Variants in LRP1B observed in about 807,000 individuals in gnomAD.
LRP1B encodes the protein low-density lipoprotein receptor-related protein 1B.
LRP1B carries 217 observed loss-of-function variants against 556.6 expected under a neutral mutation model. The observed-to-expected ratio is 0.39, with a 90% confidence interval of 0.35 to 0.44. The LOEUF (loss-of-function observed/expected upper bound fraction) is 0.44. Among genes scored for constraint, LRP1B ranks in the 20% least tolerant of loss-of-function variants. LRP1B has a pLI of 1.00. For missense variants in LRP1B, 5,053 were observed against 5,620.8 expected, an observed-to-expected ratio of 0.90 and a Z score of 3.23; for synonymous variants, 2,047 against 1,865.8, an observed-to-expected ratio of 1.10 and a Z score of -2.50.
At chr2:141,200,023 T>C (rs1292995986) in intron 6 of LRP1B, among the ~76,000 whole-genome samples, 1 of 152,150 alleles carries the variant, frequency 6.6e-6, no homozygotes, top group Non-Finnish European at 1.5e-5. Context: ...TGGCAATTCC[T>C]CAAAGAGCTA....
chr2:141,352,356 G>A (rs1179002137), intron 3 of LRP1B, among the ~76,000 whole-genome samples: 1 of 151,710 alleles, frequency 6.6e-6, no homozygotes, highest in Non-Finnish European at 1.5e-5. Flanking sequence ...TAAAATCATG[G>A]GGTTATGCTA....
chr2:141,068,236 A>G (rs1423856157), intron 7 of LRP1B, among the ~76,000 whole-genome samples: 1 of 152,014 alleles, frequency 6.6e-6, no homozygotes, highest in African/African-American at 2.4e-5. Context: ...CACCAAGGGA[A>G]TAGAGGACGC....
chr2:141,895,693 A>G (rs1379087749), intron 1 of LRP1B, among the ~76,000 whole-genome samples: 2 of 152,196 alleles, frequency 1.3e-5, no homozygotes, highest in African/African-American at 2.4e-5. Context: ...CTCTTTACAA[A>G]CAATGATTTA....
intron 60 of LRP1B, among the ~76,000 whole-genome samples, chr2:140,464,973 C>T (rs886686099): frequency 6.6e-6 from 1 of 152,118 alleles, no homozygotes; most frequent in South Asian, 2.1e-4. Flanking sequence ...AATGTGTTGG[C>T]ATTAGACCAT....
intron 1 of LRP1B, among the ~76,000 whole-genome samples, chr2:142,042,576 A>G (rs530048380): frequency 4.0e-4 from 60 of 151,598 alleles, no homozygotes; most frequent in African/African-American, 1.4e-3. Context: ...TTTGTTATTC[A>G]CAGCAATAAA....
chr2:141,054,865 C>T (rs6745440), intron 10 of LRP1B, among the ~76,000 whole-genome samples: 38,853 of 151,786 alleles, frequency 0.26, 5,332 homozygotes, highest in East Asian at 0.44. Flanking sequence ...AAGCATCTTT[C>T]TAAAAATCTT....
chr2:141,225,667 C>T (rs1054775600), intron 6 of LRP1B, among the ~76,000 whole-genome samples: 19 of 152,028 alleles, frequency 1.2e-4, no homozygotes, highest in African/African-American at 4.1e-4. Context: ...TATCAGTTAT[C>T]GTTATAAAAA....
chr2:141,709,454 T>C (rs1480284709), intron 2 of LRP1B, among the ~76,000 whole-genome samples: 1 of 152,146 alleles, frequency 6.6e-6, no homozygotes, highest in Non-Finnish European at 1.5e-5. Context: ...ATGGCTCTGA[T>C]TAAAAATGGG....
At chr2:140,613,677 GC>G (rs1683162405) in intron 41 of LRP1B, among the ~76,000 whole-genome samples, 1 of 151,512 alleles carries the variant, frequency 6.6e-6, no homozygotes, top group South Asian at 2.1e-4. Flanking sequence ...ACTCTTCTCT[GC>G]CCACATTAAA....
chr2:141,914,424 A>G (rs1699980495), intron 1 of LRP1B, among the ~76,000 whole-genome samples: 1 of 152,044 alleles, frequency 6.6e-6, no homozygotes, highest in Non-Finnish European at 1.5e-5. Flanking sequence ...TCCTGACTTG[A>G]AGTGCCAGAT....
At chr2:141,020,809 A>T (rs1311925586) in intron 11 of LRP1B, among the ~76,000 whole-genome samples, 1 of 152,084 alleles carries the variant, frequency 6.6e-6, no homozygotes, top group East Asian at 1.9e-4. Context: ...TATTTTATAA[A>T]GGGGGGGTAA....
chr2:141,461,706 G>T (rs1681879412), intron 3 of LRP1B, among the ~76,000 whole-genome samples: 1 of 152,144 alleles, frequency 6.6e-6, no homozygotes, highest in Admixed American at 6.6e-5. Context: ...TAGCATAAAT[G>T]TACAATTCTG....
intron 1 of LRP1B, among the ~76,000 whole-genome samples, chr2:141,955,704 GT>G (rs1701227695): frequency 6.6e-6 from 1 of 151,952 alleles, no homozygotes; most frequent in African/African-American, 2.4e-5. Context: ...TCACATCGCT[GT>G]TTTCCCTTAT....
At chr2:140,377,129 G>T (rs1683269712) in intron 68 of LRP1B, among the ~76,000 whole-genome samples, 2 of 152,150 alleles carry the variant, frequency 1.3e-5, no homozygotes, top group Non-Finnish European at 2.9e-5. Context: ...ATGCTGGAGT[G>T]CAGTGGCACG....
intron 2 of LRP1B, among the ~76,000 whole-genome samples, chr2:141,600,637 T>A (rs1217464382): frequency 1.3e-5 from 2 of 152,182 alleles, no homozygotes; most frequent in African/African-American, 4.8e-5. Flanking sequence ...GAAAAGTCAA[T>A]GTCTGCTACC....
At chr2:140,881,721 A>T (rs1283205589) in intron 25 of LRP1B, among the ~76,000 whole-genome samples, 2 of 152,160 alleles carry the variant, frequency 1.3e-5, no homozygotes, top group Non-Finnish European at 2.9e-5. Context: ...TTAGTGATGG[A>T]AGGTATCAAC....
chr2:140,712,068 T>C (rs898486880), intron 37 of LRP1B, among the ~76,000 whole-genome samples: 2 of 152,120 alleles, frequency 1.3e-5, no homozygotes, highest in Admixed American at 1.3e-4. Flanking sequence ...CAAATGACCT[T>C]TGTCCCTAAC....
chr2:141,146,524 T>G (rs1014318167), intron 7 of LRP1B, among the ~76,000 whole-genome samples: 3 of 152,164 alleles, frequency 2.0e-5, no homozygotes, highest in African/African-American at 7.2e-5. Flanking sequence ...AAGCTATAAA[T>G]GAGATTCTCT....
Position 140,868,213 on chromosome 2 carries a change from G to A in LRP1B, c.4220C>T (p.Ala1407Val), listed in dbSNP as rs1693013030. The change falls in exon 26 of 91, where the codon GCC becomes GTC. Residue 1407 changes from alanine (A) to valine (V), a missense_variant. Physicochemically the swap from Ala to Val is moderately conservative, Grantham distance 64. Around this residue, in one of 5 missense-constraint regions of LRP1B, gnomAD observed 3,619 missense variants for 3,931.9 expected, o/e 0.92. Coordinates refer to ENST00000389484, the MANE Select transcript of LRP1B (RefSeq NM_018557.3). ...TTTTCTCCCAGCACCACTCATAGAG[G>A]CAGATTCAATGCGAGGAAAATTTGC... ...WDANFPRIES[A>V]SMSGAGRKTI... 7 of 1,604,530 alleles carry A rather than the reference G, an allele frequency of 4.4e-6. No individual in the cohort carries two copies. The South Asian group carries it at 5.6e-5, about 13-fold the overall frequency.
Sources: gnomAD v4.1 joint callset for allele counts (sites outside exome capture counted in the v4.1 genomes callset) on GRCh38, gnomAD v4.1.1 for gene constraint, gnomAD v4.1.1 regional missense constraint, MANE v1.5 for transcripts, NCBI Gene and HGNC (gene_info 2026-07-23, HGNC 2026-07-21) for gene names.